Variants in MYOF observed in about 807,000 individuals in gnomAD.
The protein encoded by MYOF is fer-1-like 3, myoferlin.
In MYOF, 244 loss-of-function variants were observed where a neutral mutation model predicts 284.2. The observed-to-expected ratio is 0.86, with a 90% CI of 0.77 to 0.95. The LOEUF (loss-of-function observed/expected upper bound fraction) is 0.95, where lower values mean the gene tolerates loss of function less well. MYOF is among the 40% of genes least tolerant of loss of function. The pLI, the probability that MYOF is intolerant of heterozygous loss-of-function variation, is 0.00. For synonymous variants in MYOF, 904 were observed against 919.7 expected (o/e 0.98, Z 0.31); for missense variants, 2,496 against 2,560.6 (o/e 0.97, Z 0.54).
chr10:93,340,258 G>T, intron 38 of MYOF, 94 bp from the exon 39 acceptor site: 1 of 1,338,416 alleles, frequency 7.5e-7, no homozygotes, highest in South Asian at 1.3e-5. Flanking sequence ...TAAAGAGAAA[G>T]AAGCAAAAAT....
intron 1 of MYOF, among the ~76,000 whole-genome samples, chr10:93,480,978 C>G (rs1045357615): frequency 1.3e-5 from 2 of 152,132 alleles, no homozygotes; most frequent in African/African-American, 2.4e-5. Context: ...TCTATCCATG[C>G]TCCCACTCTC....
At chr10:93,437,428 G>A (rs1333314911) in intron 3 of MYOF, among the ~76,000 whole-genome samples, 3 of 152,134 alleles carry the variant, frequency 2.0e-5, no homozygotes, top group African/African-American at 7.2e-5. Context: ...GGGAGCTCAC[G>A]TATACGAAGT....
intron 41 of MYOF, among the ~76,000 whole-genome samples, chr10:93,334,812 C>T (rs1038614822): frequency 1.3e-5 from 2 of 152,242 alleles, no homozygotes; most frequent in South Asian, 2.1e-4. Flanking sequence ...TCTGGCACAG[C>T]GATGTTCAGT....
intron 3 of MYOF, among the ~76,000 whole-genome samples, chr10:93,434,665 TA>T (rs553100322): frequency 1.8e-3 from 270 of 152,262 alleles, no homozygotes; most frequent in African/African-American, 6.4e-3. Context: ...TTATTGTTAT[TA>T]TTTTTTTCTC....
chr10:93,433,448 C>T (rs778388545), intron 3 of MYOF, among the ~76,000 whole-genome samples: 5 of 151,882 alleles, frequency 3.3e-5, no homozygotes, highest in Admixed American at 6.6e-5. Context: ...CGTGAGCCGC[C>T]GCGCCTGGCC....
intron 5 of MYOF, among the ~76,000 whole-genome samples, chr10:93,418,028 C>T (rs2134160093): frequency 6.6e-6 from 1 of 152,242 alleles, no homozygotes; most frequent in South Asian, 2.1e-4. Flanking sequence ...TCAAGTGATC[C>T]CAGGCTCAAG....
At chr10:93,342,777 T>C (rs1168835961) in intron 38 of MYOF, among the ~76,000 whole-genome samples, 3 of 152,216 alleles carry the variant, frequency 2.0e-5, no homozygotes, top group Admixed American at 2.0e-4. Flanking sequence ...TTAAACTGTC[T>C]TTTTCTAGAG....
chr10:93,381,435 C>T (rs775707188), intron 19 of MYOF, 39 bp from the exon 20 acceptor site: 1 of 1,598,672 alleles, frequency 6.3e-7, no homozygotes, highest in South Asian at 1.1e-5. Flanking sequence ...AGTGAAAGGC[C>T]ATTTGTTCTT....
At position 93,340,919 on chromosome 10, in the gene MYOF, C is replaced by G. The variant is rs576431856; in HGVS notation, c.4327-755G>C. On this transcript the variant is annotated intron_variant, in intron 38 of 53. Coordinates refer to ENST00000359263, the MANE Select transcript of MYOF (RefSeq NM_013451.4). ...GTTTGAAGACATGCTGCCTAGACCC[C>G]TTTCTGAGATCCTAACTTTATGTTC... Among the ~76,000 whole-genome samples, 5 of 152,264 alleles carry G rather than the reference C, an allele frequency of 3.3e-5. No individual in the cohort carries two copies. The South Asian group carries it at 1.0e-3, about 32-fold the overall frequency.
chr10:93,349,685 T>G, intron 36 of MYOF, 123 bp downstream of exon 36: 1 of 1,169,760 alleles, frequency 8.5e-7, no homozygotes, highest in East Asian at 2.5e-5. Flanking sequence ...AAGCTGAATA[T>G]AAGGCAGGGT....
At chr10:93,475,276 A>C (rs1359012985) in intron 1 of MYOF, among the ~76,000 whole-genome samples, 1 of 152,212 alleles carries the variant, frequency 6.6e-6, no homozygotes, top group Non-Finnish European at 1.5e-5. Context: ...GTTCAATAGA[A>C]ATTACACAGT....
Position 93,347,788 on chromosome 10 carries a change from G to A in MYOF, c.4084-6C>T, listed in dbSNP as rs764098329. The A allele has an allele frequency of 1.2e-6, 2 of 1,606,388 alleles. No homozygotes were observed. The highest frequency in any genetic ancestry group is 1.7e-6 in the Non-Finnish European group (2 of 1,174,702). ...AATTCCTCCTTGGGCAAGAACTGGG[G>A]GTCACAAAGGTAGGTTTCATTTCTC... On this transcript the variant is annotated splice_region_variant and splice_polypyrimidine_tract_variant and intron_variant, in intron 36 of 53. Transcript: ENST00000359263.
At chr10:93,347,325 G>A (rs1844236536) in intron 37 of MYOF, among the ~76,000 whole-genome samples, 1 of 151,110 alleles carries the variant, frequency 6.6e-6, no homozygotes, top group Admixed American at 6.6e-5. Flanking sequence ...GGCCGAGGCG[G>A]GTGGATCATG....
At chr10:93,460,114 C>CA (rs1161395180) in intron 1 of MYOF, among the ~76,000 whole-genome samples, 1 of 152,168 alleles carries the variant, frequency 6.6e-6, no homozygotes, top group African/African-American at 2.4e-5. Flanking sequence ...GGCACTGAAG[C>CA]AAAATTCCAG....
intron 2 of MYOF, among the ~76,000 whole-genome samples, chr10:93,453,808 CCAGTTAGTTATGGCTG>C (rs1333116828): frequency 1.3e-5 from 2 of 152,040 alleles, no homozygotes; most frequent in Non-Finnish European, 2.9e-5. Context: ...TTGCTTGAGC[CCAGTTAGTTATGGCTG>C]CAGTTAGTTA....
intron 30 of MYOF, 83 bp downstream of exon 30, chr10:93,356,592 T>C (rs1211910060): frequency 1.4e-6 from 2 of 1,422,166 alleles, no homozygotes; most frequent in Non-Finnish European, 1.9e-6. Context: ...CAGGGACCTC[T>C]ATGGAGTTGG....
intron 3 of MYOF, among the ~76,000 whole-genome samples, chr10:93,443,675 T>C (rs557372240): frequency 1.3e-5 from 2 of 152,158 alleles, no homozygotes; most frequent in Non-Finnish European, 2.9e-5. Context: ...CTCTCAGGGC[T>C]CACCTCATTT....
chr10:93,471,758 A>G (rs992207853), intron 1 of MYOF, among the ~76,000 whole-genome samples: 2 of 151,952 alleles, frequency 1.3e-5, no homozygotes, highest in Non-Finnish European at 2.9e-5. Flanking sequence ...GCATTGTGGC[A>G]TGCTCCTGTA....
At position 93,335,775 on chromosome 10, in the gene MYOF, C is replaced by G. The variant is rs906191654; in HGVS notation, c.4563+146G>C. 4.0e-6 allele frequency: 4 copies of G among 1,009,296 alleles called. No individual in the cohort carries two copies. The African/African-American group carries it at 6.6e-5, about 17-fold the overall frequency. 62.5% of individuals were successfully genotyped at this position (1,009,296 alleles called of 1,614,324 possible). A position where few individuals can be genotyped will look rare whatever the true frequency, so the allele number is the denominator to read the frequency against. ...TGCCCCTACCTAGACCCTGGTTGTC[C>G]TTTATCCTAGGCCTATATAGAAAAT... is the stretch of plus-strand genomic sequence containing the variant. On this transcript the variant is annotated intron_variant, in intron 41 of 53. Transcript: ENST00000359263.
Sources: allele counts gnomAD v4.1 joint callset (sites outside exome capture counted in the v4.1 genomes callset), GRCh38; gene constraint gnomAD v4.1.1; transcripts MANE v1.5; gene names NCBI Gene and HGNC (gene_info 2026-07-23, HGNC 2026-07-21).